Variants in INPP5A observed in about 807,000 individuals in gnomAD.
INPP5A encodes the protein 43 kDa inositol polyphosphate 5-phophatase.
Under a neutral mutation model 65.2 loss-of-function variants are expected in INPP5A, and 14 were observed. That is an observed-to-expected ratio of 0.21 (90% confidence interval 0.14 to 0.34). The LOEUF (loss-of-function observed/expected upper bound fraction) is 0.34, where lower values mean the gene tolerates loss of function less well. Among genes scored for constraint, INPP5A ranks in the 10% least tolerant of loss-of-function variants. The pLI is 1.00. For synonymous variants in INPP5A, 207 were observed against 208.3 expected (o/e 0.99, Z 0.05); for missense variants, 431 against 545.6 (o/e 0.79, Z 2.09).
intron 2 of INPP5A, among the ~76,000 whole-genome samples, chr10:132,612,128 G>A (rs538241974): frequency 7.0e-6 from 1 of 142,944 alleles, no homozygotes; most frequent in South Asian, 2.2e-4. Flanking sequence ...CCCATCAGAG[G>A]AGGGTGAGGG....
At chr10:132,618,220 G>A (rs759544095) in intron 2 of INPP5A, among the ~76,000 whole-genome samples, 27 of 152,234 alleles carry the variant, frequency 1.8e-4, no homozygotes, top group Non-Finnish European at 2.4e-4. Flanking sequence ...CCAGTAAGAT[G>A]TAGAACTGGT....
intron 9 of INPP5A, among the ~76,000 whole-genome samples, chr10:132,734,884 C>T (rs1846149459): frequency 6.6e-6 from 1 of 152,244 alleles, no homozygotes; most frequent in African/African-American, 2.4e-5. Context: ...ATGGAGCTAG[C>T]TTCGGGGCTG....
Position 132,663,658 on chromosome 10 carries a change from G to A in INPP5A, c.306+13153G>A, listed in dbSNP as rs2072765378. Among the ~76,000 whole-genome samples the A allele has an allele frequency of 6.6e-6, 1 of 152,220 alleles. No individual in the cohort carries two copies. Among genetic ancestry groups the A allele is most frequent in the African/African-American group, 2.4e-5 (1 of 41,456 alleles). On this transcript the variant is annotated intron_variant, in intron 4 of 15. Coordinates refer to ENST00000368594, the MANE Select transcript of INPP5A (RefSeq NM_005539.5). The surrounding 1 kb of genome is among the most constrained non-coding windows in gnomAD (Gnocchi z 4.5). ...CCGGCAGGTGCCACTTCTAGCTTCT[G>A]GCTGGGGTTGGTTTGCAGTGGAGTC... is the stretch of plus-strand genomic sequence containing the variant.
intron 4 of INPP5A, among the ~76,000 whole-genome samples, chr10:132,688,438 T>C (rs879330357): frequency 2.6e-5 from 4 of 152,168 alleles, no homozygotes; most frequent in Admixed American, 1.3e-4. Context: ...GGCCATGGAA[T>C]TAGGTGATGT....
Position 132,684,819 on chromosome 10 carries a change from G to A in INPP5A, c.307-5573G>A, listed in dbSNP as rs569113072. 2.3e-3 allele frequency among the ~76,000 whole-genome samples: 344 copies of A among 152,314 alleles called. 13 individuals are homozygous for A. In the South Asian group the frequency reaches 0.069, roughly 31 times the overall value. On this transcript the variant is annotated intron_variant, in intron 4 of 15. Coordinates refer to ENST00000368594, the MANE Select transcript of INPP5A (RefSeq NM_005539.5). ...CCCTCACAGGGTGTGTCAGAGCCCAGGTGAGCATGGTTTCGTGCCCCTGGG... is the reference window on the plus strand; with the variant it reads ...CCCTCACAGGGTGTGTCAGAGCCCAAGTGAGCATGGTTTCGTGCCCCTGGG...
chr10:132,588,350 G>A (rs773694394), intron 1 of INPP5A, among the ~76,000 whole-genome samples: 3 of 152,230 alleles, frequency 2.0e-5, no homozygotes, highest in Non-Finnish European at 4.4e-5. Context: ...CTCGGGAGAC[G>A]CAGCTTGCAG....
intron 6 of INPP5A, among the ~76,000 whole-genome samples, chr10:132,700,156 T>C (rs1845413979): frequency 6.6e-6 from 1 of 152,238 alleles, no homozygotes; most frequent in South Asian, 2.1e-4. Context: ...TTGTGCAGTG[T>C]TGTGTCCACA....
Position 132,741,063 on chromosome 10 carries a change from A to G in INPP5A, c.733-8454A>G, listed in dbSNP as rs1846262191. ...GGCAACATAGGGAGTCCCCGTCTCT[A>G]CAGAAAATAAGAAAGTAAAATTAGC... is the stretch of plus-strand genomic sequence containing the variant. On this transcript the variant is annotated intron_variant, in intron 9 of 15. Coordinates refer to ENST00000368594, the MANE Select transcript of INPP5A (RefSeq NM_005539.5). The surrounding 1 kb of genome is among the most constrained non-coding windows in gnomAD (Gnocchi z 4.4). 6.6e-6 allele frequency among the ~76,000 whole-genome samples: 1 copy of G among 152,150 alleles called. No homozygotes were observed. The highest frequency in any genetic ancestry group is 6.5e-5 in the Admixed American group (1 of 15,274).
At chr10:132,566,669 C>A (rs1260919049) in intron 1 of INPP5A, among the ~76,000 whole-genome samples, 2 of 152,106 alleles carry the variant, frequency 1.3e-5, no homozygotes, top group Non-Finnish European at 2.9e-5. Context: ...TATTAAATGC[C>A]TACTTTTGAT....
At chr10:132,693,986 A>G (rs928937688) in intron 5 of INPP5A, among the ~76,000 whole-genome samples, 9 of 152,222 alleles carry the variant, frequency 5.9e-5, no homozygotes, top group African/African-American at 2.2e-4. Flanking sequence ...GCATAAAATC[A>G]GGAAAGACAT....
At chr10:132,715,913 G>A (rs1005867754) in intron 8 of INPP5A, among the ~76,000 whole-genome samples, 2 of 152,162 alleles carry the variant, frequency 1.3e-5, no homozygotes, top group African/African-American at 2.4e-5. Flanking sequence ...CCGCATGCCC[G>A]GGACTCCTGG....
intron 4 of INPP5A, among the ~76,000 whole-genome samples, chr10:132,672,706 G>T (rs187045363): frequency 8.5e-5 from 13 of 152,308 alleles, no homozygotes; most frequent in African/African-American, 3.1e-4. Context: ...TCTTTCCTAA[G>T]TTTGGAAAAA....
chr10:132,699,633 G>C (rs1421181027), intron 6 of INPP5A, among the ~76,000 whole-genome samples: 1 of 152,186 alleles, frequency 6.6e-6, no homozygotes. Context: ...TGGGGGTGGG[G>C]GCCGAGGTGT....
intron 4 of INPP5A, among the ~76,000 whole-genome samples, chr10:132,681,538 C>T (rs1489271722): frequency 6.6e-6 from 1 of 152,200 alleles, no homozygotes; most frequent in Admixed American, 6.5e-5. Flanking sequence ...CGAGGGTCCG[C>T]GGCTTCATTC....
At chr10:132,758,264 C>T (rs1846666329) in intron 11 of INPP5A, among the ~76,000 whole-genome samples, 1 of 120,548 alleles carries the variant, frequency 8.3e-6, no homozygotes, top group African/African-American at 2.9e-5. Flanking sequence ...GGCACCATGG[C>T]GTGGGTCCCC....
chr10:132,734,959 G>T (rs1042671424), intron 9 of INPP5A, among the ~76,000 whole-genome samples: 8 of 152,204 alleles, frequency 5.3e-5, no homozygotes, highest in Non-Finnish European at 1.2e-4. Flanking sequence ...GCTGTGTGGT[G>T]AGCCCCTCAG....
chr10:132,692,806 A>G (rs1845289062), intron 5 of INPP5A, among the ~76,000 whole-genome samples: 1 of 152,268 alleles, frequency 6.6e-6, no homozygotes, highest in African/African-American at 2.4e-5. Context: ...GAAGCTCTTC[A>G]ACGGAAGGAA....
chr10:132,770,308 G>A (rs779597880), intron 12 of INPP5A, among the ~76,000 whole-genome samples: 2 of 152,256 alleles, frequency 1.3e-5, no homozygotes, highest in Non-Finnish European at 2.9e-5. Flanking sequence ...GCCGGCCATC[G>A]GGTGGCTCCT....
At chr10:132,702,620 C>T (rs185262501) in intron 6 of INPP5A, among the ~76,000 whole-genome samples, 8 of 152,332 alleles carry the variant, frequency 5.3e-5, no homozygotes, top group Admixed American at 2.6e-4. Context: ...CAGAGGCGTG[C>T]GTGCAGGGAG....
Sources: allele counts gnomAD v4.1 joint callset (sites outside exome capture counted in the v4.1 genomes callset), GRCh38; gene constraint gnomAD v4.1.1; non-coding constraint Gnocchi (gnomAD v3.1); transcripts MANE v1.5; gene names NCBI Gene and HGNC (gene_info 2026-07-23, HGNC 2026-07-21).